SLC16A10: variants seen among roughly 807,000 people sequenced by gnomAD.
SLC16A10 encodes solute carrier family 16 member 10.
SLC16A10 carries 27 observed loss-of-function variants against 40.0 expected under a neutral mutation model. The observed-to-expected ratio is 0.67, with a 90% confidence interval of 0.50 to 0.93. The LOEUF is 0.93. Among genes scored for constraint, SLC16A10 ranks in the 40% least tolerant of loss-of-function variants. SLC16A10 has a pLI of 0.00. For synonymous variants in SLC16A10, 213 were observed against 249.8 expected (o/e 0.85, Z 1.39); for missense variants, 529 against 658.2 (o/e 0.80, Z 2.15).
At chr6:111,213,633 G>A (rs1773378869) in intron 4 of SLC16A10, among the ~76,000 whole-genome samples, 1 of 152,152 alleles carries the variant, frequency 6.6e-6, no homozygotes, top group African/African-American at 2.4e-5. Context: ...CAGAGGCTCC[G>A]TACTCAGTCT....
chr6:111,186,331 A>T (rs2114559212), intron 3 of SLC16A10, among the ~76,000 whole-genome samples: 1 of 152,374 alleles, frequency 6.6e-6, no homozygotes, highest in South Asian at 2.1e-4. Context: ...TTGGACTAAT[A>T]ATCAAATTAA....
chr6:111,177,122 A>G (rs1009414886), intron 2 of SLC16A10, 90 bp from the exon 3 acceptor site: 2 of 963,316 alleles, frequency 2.1e-6, no homozygotes, highest in South Asian at 4.1e-5. Context: ...GTTGATGAAC[A>G]AAAACCCACT....
intron 1 of SLC16A10, among the ~76,000 whole-genome samples, chr6:111,171,815 CAAAA>C (rs11396709): frequency 1.2e-5 from 1 of 86,062 alleles, no homozygotes; most frequent in Non-Finnish European, 2.5e-5. Context: ...GACCTTTTCT[CAAAA>C]AAAAAAAAAA....
chr6:111,129,461 T>C (rs58378951), intron 1 of SLC16A10, among the ~76,000 whole-genome samples: 1,845 of 152,364 alleles, frequency 0.012, 26 homozygotes, highest in African/African-American at 0.043. Flanking sequence ...TATTTTGTTC[T>C]TGTCAGTGGC....
chr6:111,216,902 C>CA (rs1377387020), intron 4 of SLC16A10, among the ~76,000 whole-genome samples: 1 of 152,070 alleles, frequency 6.6e-6, no homozygotes, highest in Non-Finnish European at 1.5e-5. Context: ...TTGTGAAAAC[C>CA]AACACTCCTG....
At chr6:111,088,165 G>T (rs1001446894) in intron 1 of SLC16A10, 70 bp downstream of exon 1, 10 of 1,485,226 alleles carry the variant, frequency 6.7e-6, no homozygotes, top group Non-Finnish European at 9.2e-6. Context: ...TCCCGCGTGT[G>T]GGCTGTGTCT....
intron 4 of SLC16A10, among the ~76,000 whole-genome samples, chr6:111,215,726 T>G (rs1773411187): frequency 1.3e-5 from 2 of 152,228 alleles, no homozygotes; most frequent in East Asian, 1.9e-4. Context: ...ATATTAGAGT[T>G]GGACGCAGTG....
chr6:111,121,784 G>A (rs1417853670), intron 1 of SLC16A10, among the ~76,000 whole-genome samples: 1 of 152,084 alleles, frequency 6.6e-6, no homozygotes, highest in Non-Finnish European at 1.5e-5. Context: ...TGCTCAGAAG[G>A]GTCCCATACT....
intron 3 of SLC16A10, among the ~76,000 whole-genome samples, chr6:111,197,105 A>G (rs911837663): frequency 1.3e-5 from 2 of 152,224 alleles, no homozygotes; most frequent in African/African-American, 4.8e-5. Context: ...TCCGGTAAAA[A>G]CAAATTAGAT....
At chr6:111,108,979 A>G (rs1016899262) in intron 1 of SLC16A10, among the ~76,000 whole-genome samples, 3 of 152,248 alleles carry the variant, frequency 2.0e-5, no homozygotes, top group Non-Finnish European at 4.4e-5. Flanking sequence ...ATAAATATAA[A>G]TTAGATCTTT....
chr6:111,112,376 C>T (rs1043685037), intron 1 of SLC16A10, among the ~76,000 whole-genome samples: 1 of 152,110 alleles, frequency 6.6e-6, no homozygotes, highest in Non-Finnish European at 1.5e-5. Flanking sequence ...TTGGCAAGTG[C>T]TGTGCAAGGC....
At chr6:111,179,974 T>C (rs1772759580) in intron 3 of SLC16A10, among the ~76,000 whole-genome samples, 1 of 152,198 alleles carries the variant, frequency 6.6e-6, no homozygotes, top group Non-Finnish European at 1.5e-5. Context: ...GTTTCCTCCT[T>C]ATACAGGGAA....
At position 111,181,596 on chromosome 6, in the gene SLC16A10, AC is replaced by A. The variant is rs374032693; in HGVS notation, c.942+3933del. On this transcript the variant is annotated intron_variant, in intron 3 of 5. Coordinates refer to ENST00000368851, the MANE Select transcript of SLC16A10 (RefSeq NM_018593.5). ...CTTTGATCAACTAGGGAACTAACTT[AC>A]CAGTTTAGGTCTTTGAAGATTCAGA... Among the ~76,000 whole-genome samples the A allele has an allele frequency of 2.3e-3, 343 of 152,298 alleles. 2 individuals carry two copies. Among genetic ancestry groups the A allele is most frequent in the African/African-American group, 8.0e-3 (334 of 41,558 alleles).
intron 1 of SLC16A10, among the ~76,000 whole-genome samples, chr6:111,154,312 T>G (rs1023441124): frequency 1.3e-5 from 2 of 152,198 alleles, no homozygotes; most frequent in Non-Finnish European, 2.9e-5. Flanking sequence ...CATAAAACAC[T>G]GCACAAATAA....
At chr6:111,142,173 A>G (rs543629642) in intron 1 of SLC16A10, among the ~76,000 whole-genome samples, 1 of 152,346 alleles carries the variant, frequency 6.6e-6, no homozygotes, top group Admixed American at 6.5e-5. Flanking sequence ...AGAATAGACA[A>G]ACAGATCGAT....
At chr6:111,096,933 C>T (rs1771084766) in intron 1 of SLC16A10, among the ~76,000 whole-genome samples, 1 of 152,114 alleles carries the variant, frequency 6.6e-6, no homozygotes, top group Non-Finnish European at 1.5e-5. Flanking sequence ...GATCCTCCTG[C>T]CCCAACCTCC....
At chr6:111,209,794 C>A (rs1406994383) in intron 4 of SLC16A10, among the ~76,000 whole-genome samples, 1 of 152,120 alleles carries the variant, frequency 6.6e-6, no homozygotes, top group African/African-American at 2.4e-5. Context: ...GAAAGGTTTT[C>A]ATTGAATTTA....
intron 3 of SLC16A10, among the ~76,000 whole-genome samples, chr6:111,179,114 A>C (rs1361039861): frequency 9.4e-6 from 1 of 106,824 alleles, no homozygotes; most frequent in Non-Finnish European, 2.0e-5. Flanking sequence ...GGTGCAAGCC[A>C]CCACACCCAG....
At chr6:111,088,566 T>C (rs1247856663) in intron 1 of SLC16A10, among the ~76,000 whole-genome samples, 1 of 151,822 alleles carries the variant, frequency 6.6e-6, no homozygotes. Flanking sequence ...GGGGTGGAGT[T>C]TGGAGGAATG....
Sources: gnomAD v4.1 joint callset for allele counts (sites outside exome capture counted in the v4.1 genomes callset) on GRCh38, gnomAD v4.1.1 for gene constraint, MANE v1.5 for transcripts, NCBI Gene and HGNC (gene_info 2026-07-23, HGNC 2026-07-21) for gene names.